MSI2: variants seen among roughly 807,000 people sequenced by gnomAD.
The protein encoded by MSI2 is musashi RNA binding protein 2, also known as RNA-binding protein Musashi homolog 2.
MSI2 carries 17 observed loss-of-function variants against 45.6 expected under a neutral mutation model. That is an observed-to-expected ratio of 0.37 (90% CI 0.26 to 0.56). MSI2 has a LOEUF of 0.56. Among genes scored for constraint, MSI2 ranks in the 20% least tolerant of loss-of-function variants. MSI2 has a pLI of 0.77. For synonymous variants in MSI2, 156 were observed against 158.2 expected (o/e 0.99, Z 0.11); for missense variants, 293 against 444.2 (o/e 0.66, Z 3.06).
chr17:57,597,080 G>T (rs565187552), intron 8 of MSI2, 130 bp downstream of exon 8: 2 of 646,714 alleles, frequency 3.1e-6, no homozygotes, highest in South Asian at 1.8e-5. Context: ...GATGCTCGGG[G>T]TCCAGGCCTG....
intron 7 of MSI2, among the ~76,000 whole-genome samples, chr17:57,530,492 G>C (rs2086799321): frequency 6.6e-6 from 1 of 152,168 alleles, no homozygotes; most frequent in Non-Finnish European, 1.5e-5. Context: ...GTCCTCCCTG[G>C]AGGTAGCAGA....
intron 5 of MSI2, among the ~76,000 whole-genome samples, chr17:57,269,831 C>T (rs572840641): frequency 1.1e-4 from 17 of 152,182 alleles, no homozygotes; most frequent in Middle Eastern, 3.4e-3. Context: ...TGCTTGGGGT[C>T]GCCTTTGGCT....
At chr17:57,556,732 A>G (rs2087444589) in intron 7 of MSI2, among the ~76,000 whole-genome samples, 1 of 152,208 alleles carries the variant, frequency 6.6e-6, no homozygotes, top group Non-Finnish European at 1.5e-5. Context: ...GTCACACCTG[A>G]TGTTCAGAGC....
chr17:57,417,335 A>G (rs1369625062), intron 6 of MSI2, among the ~76,000 whole-genome samples: 1 of 152,156 alleles, frequency 6.6e-6, no homozygotes, highest in Non-Finnish European at 1.5e-5. Flanking sequence ...GCCCCTGCCC[A>G]TTTTGGAAAG....
At position 57,307,436 on chromosome 17, in the gene MSI2, T is replaced by C. The variant is rs939844539; in HGVS notation, c.312+45244T>C. 1.0e-4 allele frequency among the ~76,000 whole-genome samples: 15 copies of C among 148,152 alleles called. 3 individuals are homozygous for C. The highest frequency in any genetic ancestry group is 2.0e-4 in the Admixed American group (3 of 14,964). On this transcript the variant is annotated intron_variant, in intron 5 of 13. Transcript: ENST00000284073. The stretch of plus-strand genomic sequence containing the variant: ...GGCCTGCCCTAGGATTTTTTTTTTT[T>C]CTCTTTGAGATGGAGTCTCTCTCTG...
chr17:57,498,088 C>G (rs936056280), intron 6 of MSI2, among the ~76,000 whole-genome samples: 10 of 152,212 alleles, frequency 6.6e-5, no homozygotes, highest in African/African-American at 2.2e-4. Flanking sequence ...ACATTCACAG[C>G]AGATCTGGTC....
At chr17:57,618,868 A>G (rs768579609) in intron 9 of MSI2, among the ~76,000 whole-genome samples, 2 of 152,240 alleles carry the variant, frequency 1.3e-5, no homozygotes, top group Non-Finnish European at 1.5e-5. Context: ...AAATAAATAA[A>G]TAAAAGCAAA....
chr17:57,321,743 A>G (rs1312373946), intron 5 of MSI2, among the ~76,000 whole-genome samples: 2 of 152,148 alleles, frequency 1.3e-5, no homozygotes, highest in Admixed American at 1.3e-4. Context: ...CTTGGGAAAC[A>G]GCCTCCAAAG....
intron 6 of MSI2, among the ~76,000 whole-genome samples, chr17:57,510,254 C>A (rs943894086): frequency 3.3e-5 from 5 of 151,886 alleles, no homozygotes; most frequent in Non-Finnish European, 7.4e-5. Flanking sequence ...CCCCTGAGGC[C>A]CTCTTGATGA....
chr17:57,545,996 C>A (rs1748050469), intron 7 of MSI2, among the ~76,000 whole-genome samples: 1 of 152,144 alleles, frequency 6.6e-6, no homozygotes, highest in Admixed American at 6.5e-5. Flanking sequence ...ACTTATCATC[C>A]CGTCAGGGCT....
chr17:57,509,068 T>G (rs2086296500), intron 6 of MSI2, among the ~76,000 whole-genome samples: 1 of 152,198 alleles, frequency 6.6e-6, no homozygotes, highest in Non-Finnish European at 1.5e-5. Flanking sequence ...CTTCCCAGTC[T>G]GAGAGATGGG....
intron 8 of MSI2, among the ~76,000 whole-genome samples, chr17:57,607,827 G>A (rs761964613): frequency 1.4e-4 from 21 of 152,168 alleles, no homozygotes; most frequent in South Asian, 4.2e-4. Flanking sequence ...CAGGCACGTC[G>A]CTTGGTGAAA....
At position 57,552,978 on chromosome 17, in the gene MSI2, C is replaced by T. The variant is rs949575839; in HGVS notation, c.454+23254C>T. Among the ~76,000 whole-genome samples, 1 of 152,134 alleles carries T rather than the reference C, an allele frequency of 6.6e-6. No individual in the cohort carries two copies. The highest frequency in any genetic ancestry group is 2.4e-5 in the African/African-American group (1 of 41,416). On this transcript the variant is annotated intron_variant, in intron 7 of 13. Coordinates refer to ENST00000284073, the MANE Select transcript of MSI2 (RefSeq NM_138962.4). This position sits in a 1 kb window ranked among gnomAD's most constrained non-coding sequence, Gnocchi z 4.3. ...TACTGGTCTTTGAATGAACTCTTTA[C>T]CCCACCAAAAGTAGAAAAAGGATTC... is the stretch of plus-strand genomic sequence containing the variant.
intron 5 of MSI2, chr17:57,285,961 A>G (rs1475732473): frequency 6.5e-7 from 1 of 1,534,782 alleles, no homozygotes; most frequent in Admixed American, 2.0e-5. Flanking sequence ...TTCAACATGG[A>G]TGGAGTGGGA....
At chr17:57,323,067 C>T (rs762573967) in intron 5 of MSI2, among the ~76,000 whole-genome samples, 10 of 151,666 alleles carry the variant, frequency 6.6e-5, no homozygotes, top group Non-Finnish European at 1.3e-4. Flanking sequence ...TGATGGGTAC[C>T]GGGGGTTCAT....
intron 6 of MSI2, among the ~76,000 whole-genome samples, chr17:57,497,620 T>A (rs1221241585): frequency 1.3e-5 from 2 of 152,230 alleles, no homozygotes; most frequent in Non-Finnish European, 2.9e-5. Flanking sequence ...GTACTTTTTT[T>A]AAAGTATGGT....
At chr17:57,690,834 A>C in the MSI2 span, among the ~76,000 whole-genome samples, 1 of 152,178 alleles carries the variant, frequency 6.6e-6, no homozygotes, top group African/African-American at 2.4e-5. Context: ...TTTTAGTGTC[A>C]TATCTAAGAA....
chr17:57,617,430 T>C (rs775616665), intron 9 of MSI2, among the ~76,000 whole-genome samples: 30 of 152,158 alleles, frequency 2.0e-4, no homozygotes, highest in Non-Finnish European at 3.8e-4. Flanking sequence ...AACAGTATGG[T>C]ATATGGGAAT....
intron 5 of MSI2, among the ~76,000 whole-genome samples, chr17:57,360,629 G>T (rs12949781): frequency 3.3e-5 from 5 of 152,110 alleles, no homozygotes; most frequent in African/African-American, 7.2e-5. Flanking sequence ...GTTAGAACTA[G>T]GCTTTATGCC....
Sources: gnomAD v4.1 joint callset for allele counts (sites outside exome capture counted in the v4.1 genomes callset) on GRCh38, gnomAD v4.1.1 for gene constraint, Gnocchi (gnomAD v3.1) non-coding constraint, MANE v1.5 for transcripts, NCBI Gene and HGNC (gene_info 2026-07-23, HGNC 2026-07-21) for gene names.